PHACTR2: variants seen among roughly 807,000 people sequenced by gnomAD.
The protein encoded by PHACTR2 is chromosome 6 open reading frame 56.
PHACTR2 carries 30 observed loss-of-function variants against 76.0 expected under a neutral mutation model. The ratio of observed to expected loss-of-function variants is 0.39; its 90% CI spans 0.30 to 0.54. The LOEUF is 0.54. PHACTR2 is among the 20% of genes least tolerant of loss of function. The probability of loss-of-function intolerance (pLI) is 0.61; values close to 1 mark genes in which losing one functional copy is unlikely to be tolerated. For synonymous variants in PHACTR2, 292 were observed against 292.5 expected (o/e 1.00, Z 0.02); for missense variants, 696 against 781.1 (o/e 0.89, Z 1.30).
At position 143,826,342 on chromosome 6, in the gene PHACTR2, ATC is replaced by A. The variant is rs1776530245; in HGVS notation, c.*2654_*2655del. On this transcript the variant is annotated 3_prime_UTR_variant, in exon 13 of 13. Coordinates refer to ENST00000440869, the MANE Select transcript of PHACTR2 (RefSeq NM_001100164.2). ...TCTGTCCACCACCAGCGTTTCAGCA[ATC>A]CAACCAGTAAGCATATGCTGTATAG... 6.6e-6 allele frequency: 1 copy of A among 152,274 alleles called. No individual in the cohort carries two copies. The highest frequency in any genetic ancestry group is 1.5e-5 in the Non-Finnish European group (1 of 68,068). The allele number at this position is 152,274 out of a possible 1,614,324, so 9.4% of individuals were successfully genotyped here. A position where few individuals can be genotyped will look rare whatever the true frequency, so the allele number is the denominator to read the frequency against.
intron 1 of PHACTR2, among the ~76,000 whole-genome samples, chr6:143,565,344 C>T (rs1018323520): frequency 1.3e-5 from 2 of 152,180 alleles, no homozygotes; most frequent in African/African-American, 2.4e-5. Context: ...CCAGGCCGGG[C>T]GCGGTGGCTC....
At position 143,747,368 on chromosome 6, in the gene PHACTR2, T is replaced by C. The variant is rs142889010; in HGVS notation, c.215-1617T>C. On this transcript the variant is annotated intron_variant, in intron 2 of 12. Transcript: ENST00000440869. The stretch of plus-strand genomic sequence containing the variant: ...AGCAAACACTTAAGGAAGACTTTCA[T>C]GCACTTACTACAAAGCTGGCTGCCC... Among the ~76,000 whole-genome samples the C allele has an allele frequency of 9.8e-5, 15 of 152,354 alleles. No homozygotes were observed. In the East Asian group the frequency reaches 2.9e-3, roughly 29 times the overall value.
At chr6:143,814,632 T>G (rs1441794987) in intron 12 of PHACTR2, among the ~76,000 whole-genome samples, 1 of 139,844 alleles carries the variant, frequency 7.2e-6, no homozygotes, top group African/African-American at 2.7e-5. Flanking sequence ...AGACGGAGTC[T>G]CGCTCTGTCG....
rs1010432248 is a variant in PHACTR2, at chr6:143,750,809, A to G, written c.295+1744A>G. Among the ~76,000 whole-genome samples, 2 of 152,218 alleles carry G rather than the reference A, an allele frequency of 1.3e-5. No homozygotes were observed. The highest frequency in any genetic ancestry group is 4.8e-5 in the African/African-American group (2 of 41,458). On this transcript the variant is annotated intron_variant, in intron 3 of 12. Coordinates refer to ENST00000440869, the MANE Select transcript of PHACTR2 (RefSeq NM_001100164.2). The surrounding 1 kb of genome is among the most constrained non-coding windows in gnomAD (Gnocchi z 4.6). ...TGGAAACTAAAAGTTTTAAAACATA[A>G]AAGAACAAAACAATTTTTTAACCTA...
At chr6:143,714,059 G>T (rs569141825) in intron 2 of PHACTR2, among the ~76,000 whole-genome samples, 14 of 152,218 alleles carry the variant, frequency 9.2e-5, no homozygotes, top group African/African-American at 2.4e-4. Flanking sequence ...GCAAAAAACC[G>T]CAATTACTTT....
At chr6:143,759,619 A>G (rs1779386902) in intron 4 of PHACTR2, among the ~76,000 whole-genome samples, 1 of 147,636 alleles carries the variant, frequency 6.8e-6, no homozygotes, top group African/African-American at 2.5e-5. Flanking sequence ...AGAGAGCGAG[A>G]CCCTATCTGA....
rs575583171 is a variant in PHACTR2 at position 143,583,896 on chromosome 6, T to C, written c.217+46689T>C. ...CAGAATTCTGAGAGGTCTAGAGTGC[T>C]GGGACGGTGTCTTATTTATCTCTAC... On this transcript the variant is annotated intron_variant, in intron 1 of 11. Coordinates refer to the PHACTR2 transcript ENST00000367584. The surrounding 1 kb of genome is among the most constrained non-coding windows in gnomAD (Gnocchi z 4.0). Among the ~76,000 whole-genome samples the C allele has an allele frequency of 6.6e-6, 1 of 152,252 alleles. No individual in the cohort carries two copies. Among genetic ancestry groups the C allele is most frequent in the Non-Finnish European group, 1.5e-5 (1 of 68,036 alleles).
rs561854352 is a variant in PHACTR2, at chr6:143,777,423, G to A, written c.1645+40G>A. 24 of 1,063,258 alleles carry A rather than the reference G, an allele frequency of 2.3e-5. No individual in the cohort carries two copies. Among genetic ancestry groups the A allele is most frequent in the South Asian group, 2.9e-5 (2 of 68,270 alleles). The allele number at this position is 1,063,258 out of a possible 1,614,324, so 65.9% of individuals were successfully genotyped here. A position where few individuals can be genotyped will look rare whatever the true frequency, so the allele number is the denominator to read the frequency against. On this transcript the variant is annotated intron_variant, in intron 9 of 12. Transcript: ENST00000440869. This position sits in a 1 kb window ranked among gnomAD's most constrained non-coding sequence, Gnocchi z 4.6. ...CTATAGAATGATTCCTTGTGTAATCGCTAACAAGCTGCCTCTACAGATGAT... is the reference window on the plus strand; with the variant it reads ...CTATAGAATGATTCCTTGTGTAATCACTAACAAGCTGCCTCTACAGATGAT...
At chr6:143,640,839 G>A (rs1374273504) in intron 1 of PHACTR2, among the ~76,000 whole-genome samples, 1 of 152,154 alleles carries the variant, frequency 6.6e-6, no homozygotes, top group Non-Finnish European at 1.5e-5. Flanking sequence ...GTGTAATTAA[G>A]TTAAGGATCT....
In PHACTR2 at chr6:143,663,264, T is replaced by G. The variant is rs1455525426; in HGVS notation, c.14-48752T>G. Among the ~76,000 whole-genome samples, 1 of 152,206 alleles carries G rather than the reference T, an allele frequency of 6.6e-6. No individual in the cohort carries two copies. Among genetic ancestry groups the G allele is most frequent in the Non-Finnish European group, 1.5e-5 (1 of 68,022 alleles). On this transcript the variant is annotated intron_variant, in intron 1 of 11. Transcript: ENST00000305766. The surrounding 1 kb of genome is among the most constrained non-coding windows in gnomAD (Gnocchi z 4.1). ...TTTTGGGTCACATGGTAACTCTGTTTTAAGTTCTTCCAATTACATTTTTCA... is the reference window on the plus strand; with the variant it reads ...TTTTGGGTCACATGGTAACTCTGTTGTAAGTTCTTCCAATTACATTTTTCA...
In PHACTR2 at chr6:143,680,605, T is replaced by A. The variant is rs1777369947; in HGVS notation, c.46+2396T>A. ...GGGTTCTAGGAAGACCATTAATAAT[T>A]TTTTCTGAAAATATGCAGTTAGATC... On this transcript the variant is annotated intron_variant, in intron 1 of 12. Coordinates refer to ENST00000440869, the MANE Select transcript of PHACTR2 (RefSeq NM_001100164.2). The surrounding 1 kb of genome is among the most constrained non-coding windows in gnomAD (Gnocchi z 4.5). Among the ~76,000 whole-genome samples, 1 of 152,190 alleles carries A rather than the reference T, an allele frequency of 6.6e-6. No individual in the cohort carries two copies.
chr6:143,546,852 C>G lies in PHACTR2; in HGVS notation c.217+9645C>G, dbSNP rs1313178580. Reference sequence around the variant, plus strand: ...ACAAGCCTGGGCAACATAGTGAGACCCCATCTCAAAAAAAAAAAAAATAAA... The same window carrying G: ...ACAAGCCTGGGCAACATAGTGAGACGCCATCTCAAAAAAAAAAAAAATAAA... On this transcript the variant is annotated intron_variant, in intron 1 of 11. Transcript: ENST00000367584. This position sits in a 1 kb window ranked among gnomAD's most constrained non-coding sequence, Gnocchi z 4.9. Among the ~76,000 whole-genome samples, 1 of 130,706 alleles carries G rather than the reference C, an allele frequency of 7.7e-6. No homozygotes were observed. The highest frequency in any genetic ancestry group is 2.9e-5 in the African/African-American group (1 of 34,364). The allele number at this position is 130,706 out of a possible 152,430, so 85.7% of individuals were successfully genotyped here.
At chr6:143,677,920 C>G (rs1312248030), upstream of PHACTR2, 1 of 1,046,906 alleles carries the variant, frequency 9.6e-7, no homozygotes, top group East Asian at 4.9e-5. Context: ...CCTTCTTCCC[C>G]CGTGACCCCT....
chr6:143,674,931 G>A (rs895458983), upstream of PHACTR2, among the ~76,000 whole-genome samples: 3 of 152,226 alleles, frequency 2.0e-5, no homozygotes, highest in African/African-American at 7.2e-5. This position sits in a 1 kb window ranked among gnomAD's most constrained non-coding sequence, Gnocchi z 4.9. Flanking sequence ...AAATGGTCCA[G>A]ATTGCCAATG....
At chr6:143,636,744 A>G (rs1582723155) in intron 1 of PHACTR2, among the ~76,000 whole-genome samples, 1 of 152,176 alleles carries the variant, frequency 6.6e-6, no homozygotes, top group South Asian at 2.1e-4. Flanking sequence ...GGTCATTTGT[A>G]TATTATTGTT....
At chr6:143,612,361 A>G (rs1205505326) in intron 1 of PHACTR2, among the ~76,000 whole-genome samples, 2 of 152,234 alleles carry the variant, frequency 1.3e-5, no homozygotes, top group Non-Finnish European at 2.9e-5. Context: ...CCAGGTTGTC[A>G]TGCCAAAGTT....
Position 143,698,835 on chromosome 6 carries a change from C to T in PHACTR2, c.47-13181C>T, listed in dbSNP as rs1777832567. ...ATTGTGCATGAATGTTTCCGTTCCA[C>T]AGTGAACACACTTTTCTACAGCCTC... On this transcript the variant is annotated intron_variant, in intron 1 of 12. Coordinates refer to ENST00000440869, the MANE Select transcript of PHACTR2 (RefSeq NM_001100164.2). This position sits in a 1 kb window ranked among gnomAD's most constrained non-coding sequence, Gnocchi z 4.3. Among the ~76,000 whole-genome samples the T allele has an allele frequency of 6.6e-6, 1 of 152,224 alleles. No homozygotes were observed. Among genetic ancestry groups the T allele is most frequent in the Admixed American group, 6.5e-5 (1 of 15,288 alleles).
At chr6:143,552,622 G>A (rs1775108647) in intron 1 of PHACTR2, among the ~76,000 whole-genome samples, 1 of 152,078 alleles carries the variant, frequency 6.6e-6, no homozygotes, top group Non-Finnish European at 1.5e-5. Context: ...AAAAATTGAA[G>A]GCTGGATGCG....
In PHACTR2 at chr6:143,678,106, A is replaced by ATGATCGAAGGACCAAAGGAGCCGCT; in HGVS notation, c.-51_-27dup. The ATGATCGAAGGACCAAAGGAGCCGCT allele has an allele frequency of 6.5e-7, 1 of 1,545,062 alleles. No homozygotes were observed. The highest frequency in any genetic ancestry group is 8.7e-7 in the Non-Finnish European group (1 of 1,144,502). ...TGGAAGTCTGGCTGGGAGCGGACCC[A>ATGATCGAAGGACCAAAGGAGCCGCT]TGATCGAAGGACCAAAGGAGCCGCT... On this transcript the variant is annotated 5_prime_UTR_variant, in exon 1 of 13. An upstream open reading frame in the 5' UTR gains an earlier in-frame stop. Coordinates refer to ENST00000440869, the MANE Select transcript of PHACTR2 (RefSeq NM_001100164.2). The surrounding 1 kb of genome is among the most constrained non-coding windows in gnomAD (Gnocchi z 6.2).
Sources: gnomAD v4.1 joint callset for allele counts (sites outside exome capture counted in the v4.1 genomes callset) on GRCh38, gnomAD v4.1.1 for gene constraint, Gnocchi (gnomAD v3.1) non-coding constraint, MANE v1.5 for transcripts, NCBI Gene and HGNC (gene_info 2026-07-23, HGNC 2026-07-21) for gene names.